SGPP2: variants seen among roughly 807,000 people sequenced by gnomAD.
SGPP2 encodes the protein sphingosine 1-phosphate phosphohydrolase 2.
Under a neutral mutation model 33.9 loss-of-function variants are expected in SGPP2, and 30 were observed. The observed-to-expected ratio is 0.89, with a 90% CI of 0.66 to 1.20. SGPP2 has a LOEUF of 1.20. Among genes scored for constraint, SGPP2 ranks in the 50% most tolerant of loss-of-function variants. The probability of loss-of-function intolerance (pLI) is 0.00; values close to 1 mark genes in which losing one functional copy is unlikely to be tolerated. For missense variants in SGPP2, 458 were observed against 532.1 expected, an observed-to-expected ratio of 0.86 and a Z score of 1.37; for synonymous variants, 233 against 225.0, an observed-to-expected ratio of 1.04 and a Z score of -0.32.
At chr2:222,552,523 C>T (rs143734633) in intron 4 of SGPP2, among the ~76,000 whole-genome samples, 2 of 152,220 alleles carry the variant, frequency 1.3e-5, no homozygotes. Flanking sequence ...GCAGTGTCTA[C>T]TGCTCAGGTG....
intron 1 of SGPP2, among the ~76,000 whole-genome samples, chr2:222,428,748 C>T (rs1697108227): frequency 6.7e-6 from 1 of 149,544 alleles, no homozygotes; most frequent in African/African-American, 2.5e-5. Context: ...GTCCCATCTG[C>T]AGAATGAGCA....
intron 2 of SGPP2, among the ~76,000 whole-genome samples, chr2:222,485,185 C>A (rs1698086651): frequency 6.6e-6 from 1 of 152,196 alleles, no homozygotes; most frequent in Non-Finnish European, 1.5e-5. Flanking sequence ...GATGGCGAAA[C>A]TTTACTCTTC....
At chr2:222,482,486 T>G (rs1698043883) in intron 2 of SGPP2, among the ~76,000 whole-genome samples, 1 of 152,164 alleles carries the variant, frequency 6.6e-6, no homozygotes, top group South Asian at 2.1e-4. Flanking sequence ...AGCTTCGAAT[T>G]CCTTGACTCA....
intron 1 of SGPP2, among the ~76,000 whole-genome samples, chr2:222,474,186 T>C (rs895320676): frequency 2.0e-5 from 3 of 152,342 alleles, no homozygotes; most frequent in Admixed American, 2.0e-4. Context: ...AGTTCTAGGA[T>C]TTAGGACATA....
At chr2:222,459,142 C>CTTTCTTTTTTTTTTTTT (rs1414316448) in intron 1 of SGPP2, among the ~76,000 whole-genome samples, 3 of 94,462 alleles carry the variant, frequency 3.2e-5, no homozygotes, top group South Asian at 3.8e-4. Context: ...TTCTTTCTTT[C>CTTTCTTTTTTTTTTTTT]TTTTTTTTTT....
At chr2:222,489,310 A>T (rs1189957567) in intron 2 of SGPP2, among the ~76,000 whole-genome samples, 1 of 152,180 alleles carries the variant, frequency 6.6e-6, no homozygotes, top group Admixed American at 6.5e-5. Flanking sequence ...ACTGAAAAAA[A>T]TATTTAGCAT....
At chr2:222,475,500 T>C (rs1167475050) in intron 2 of SGPP2, among the ~76,000 whole-genome samples, 1 of 152,100 alleles carries the variant, frequency 6.6e-6, no homozygotes, top group African/African-American at 2.4e-5. Flanking sequence ...GAACCTAAAA[T>C]CAGAAGCTGT....
intron 4 of SGPP2, among the ~76,000 whole-genome samples, chr2:222,531,781 G>C (rs2106141700): frequency 6.6e-6 from 1 of 152,174 alleles, no homozygotes; most frequent in East Asian, 1.9e-4. Flanking sequence ...GTGCAACCGG[G>C]GTTGAGAGTC....
intron 4 of SGPP2, among the ~76,000 whole-genome samples, chr2:222,536,136 G>A (rs1698912328): frequency 6.6e-6 from 1 of 152,070 alleles, no homozygotes; most frequent in South Asian, 2.1e-4. Context: ...CTTTTATTAG[G>A]TGCTTGCCTT....
At chr2:222,482,560 C>T (rs930542347) in intron 2 of SGPP2, among the ~76,000 whole-genome samples, 1 of 145,744 alleles carries the variant, frequency 6.9e-6, no homozygotes, top group African/African-American at 2.7e-5. Flanking sequence ...TCACACCTGG[C>T]TTAGTTGGGG....
chr2:222,461,262 G>T (rs1697654903), intron 1 of SGPP2, among the ~76,000 whole-genome samples: 1 of 152,144 alleles, frequency 6.6e-6, no homozygotes. Flanking sequence ...TAAAGAAGCT[G>T]GTGTTGTCCC....
At chr2:222,449,889 T>C (rs1434357952) in intron 1 of SGPP2, among the ~76,000 whole-genome samples, 2 of 152,184 alleles carry the variant, frequency 1.3e-5, no homozygotes, top group African/African-American at 2.4e-5. Context: ...CCTTGGTCCA[T>C]TGGCCCTGCT....
intron 1 of SGPP2, among the ~76,000 whole-genome samples, chr2:222,449,413 A>G (rs7603013): frequency 1.3e-5 from 2 of 151,514 alleles, no homozygotes; most frequent in African/African-American, 4.9e-5. Context: ...ACAACTTTGA[A>G]GAACTTGGAG....
At chr2:222,452,469 A>T (rs34384037) in intron 1 of SGPP2, 11,053 of 825,676 alleles carry the variant, frequency 0.013, 116 homozygotes, top group Middle Eastern at 0.035. Flanking sequence ...GAGTACTAAA[A>T]TACCTAGTTG....
chr2:222,501,821 G>A (rs565893066), intron 2 of SGPP2, among the ~76,000 whole-genome samples: 1 of 152,184 alleles, frequency 6.6e-6, no homozygotes, highest in African/African-American at 2.4e-5. Flanking sequence ...AGACATATTA[G>A]AAAAATCCAA....
At chr2:222,534,752 A>G (rs1217673837) in intron 4 of SGPP2, among the ~76,000 whole-genome samples, 1 of 152,238 alleles carries the variant, frequency 6.6e-6, no homozygotes, top group Admixed American at 6.5e-5. Flanking sequence ...TCTGAGCATC[A>G]GTCACTATGT....
intron 4 of SGPP2, among the ~76,000 whole-genome samples, chr2:222,557,181 C>T (rs932963578): frequency 6.6e-6 from 1 of 152,186 alleles, no homozygotes; most frequent in Admixed American, 6.5e-5. Context: ...CCTCACTGGC[C>T]TCTTTCCCTC....
At chr2:222,525,383 GT>G (rs1698743366) in intron 4 of SGPP2, among the ~76,000 whole-genome samples, 1 of 152,180 alleles carries the variant, frequency 6.6e-6, no homozygotes, top group Admixed American at 6.5e-5. Flanking sequence ...AGTAGATGCA[GT>G]TCCCCACTTA....
intron 4 of SGPP2, 37 bp from the exon 5 acceptor site, chr2:222,558,309 TC>T (rs746463307): frequency 6.3e-7 from 1 of 1,596,990 alleles, no homozygotes; most frequent in Non-Finnish European, 8.6e-7. Flanking sequence ...AAGGAAACAC[TC>T]ATTGGTTCAC....
Sources: allele counts gnomAD v4.1 joint callset (sites outside exome capture counted in the v4.1 genomes callset), GRCh38; gene constraint gnomAD v4.1.1; transcripts MANE v1.5; gene names NCBI Gene and HGNC (gene_info 2026-07-23, HGNC 2026-07-21).